The following SYCP2L variants were observed in gnomAD, a reference collection of about 807,000 sequenced individuals.
SYCP2L encodes synaptonemal complex protein 2 like, also known as synaptonemal complex protein 2-like.
In SYCP2L, 98 loss-of-function variants were observed where a neutral mutation model predicts 125.8. That is an observed-to-expected ratio of 0.78 (90% confidence interval 0.66 to 0.92). The LOEUF (loss-of-function observed/expected upper bound fraction) is 0.92. SYCP2L is among the 40% of genes least tolerant of loss of function. The pLI is 0.00. For missense variants in SYCP2L, 842 were observed against 936.4 expected (o/e 0.90, Z 1.32); for synonymous variants, 317 against 325.4 (o/e 0.97, Z 0.28).
chr6:10,926,360 A>G lies in SYCP2L; in HGVS notation c.1240A>G (p.Ile414Val), dbSNP rs986836450. ...TCAGATGTTGCCTGACCAGACGAAA[A>G]TCTCCTCAGAACTTTTTAGTAAGTC... is the stretch of plus-strand genomic sequence containing the variant. ...DKQMLPDQTK[I>V]SSELFSKSDK... The change falls in exon 16 of 30, where the codon ATC (isoleucine) becomes GTC (valine). Residue 414 changes from isoleucine to valine, a missense_variant. Coordinates refer to ENST00000283141, the MANE Select transcript of SYCP2L (RefSeq NM_001040274.3). 2 of 1,613,860 alleles carry G rather than the reference A, an allele frequency of 1.2e-6. No individual in the cohort carries two copies.
At chr6:10,895,634 G>GA (rs1561679472) in intron 4 of SYCP2L, among the ~76,000 whole-genome samples, 1 of 151,778 alleles carries the variant, frequency 6.6e-6, no homozygotes, top group South Asian at 2.1e-4. Context: ...AACAAAAGGG[G>GA]GGGGTACTAT....
At chr6:10,957,286 A>C (rs563539741) in intron 25 of SYCP2L, among the ~76,000 whole-genome samples, 1 of 152,304 alleles carries the variant, frequency 6.6e-6, no homozygotes, top group South Asian at 2.1e-4. Context: ...GGGGAGGGGT[A>C]TTTGTCTTAG....
At chr6:10,943,466 C>T (rs1390355345) in intron 23 of SYCP2L, among the ~76,000 whole-genome samples, 3 of 151,988 alleles carry the variant, frequency 2.0e-5, no homozygotes, top group African/African-American at 4.8e-5. Context: ...CCACCCCCTC[C>T]CCTTAATTTT....
chr6:10,958,965 A>T (rs1238085985), intron 26 of SYCP2L, 90 bp downstream of exon 26: 4 of 1,085,020 alleles, frequency 3.7e-6, no homozygotes, highest in Non-Finnish European at 5.5e-6. Flanking sequence ...GGCCCTGAGG[A>T]GTTGGGGCCT....
Position 10,973,171 on chromosome 6 carries a change from G to A in SYCP2L, c.*38-781G>A, listed in dbSNP as rs540062001. Among the ~76,000 whole-genome samples, 5 of 152,332 alleles carry A rather than the reference G, an allele frequency of 3.3e-5. No homozygotes were observed. The South Asian group carries it at 1.0e-3, about 32-fold the overall frequency. ...AGTAGGCATGTGCCCTGGAGTTTGG[G>A]TGGGATGGGAGAATCTGTTCCCTCA... is the stretch of plus-strand genomic sequence containing the variant. On this transcript the variant is annotated intron_variant, in intron 29 of 29. Transcript: ENST00000283141.
rs115736002 is a variant in SYCP2L, at chr6:10,951,310, C to T, written c.1955-3806C>T. On this transcript the variant is annotated intron_variant, in intron 23 of 29. Coordinates refer to ENST00000283141, the MANE Select transcript of SYCP2L (RefSeq NM_001040274.3). ...GCATGGTGGCGTGTCCCTGTGTTCCCAGCTACTCTGGAGGCTGACATGGGG... is the reference window on the plus strand; with the variant it reads ...GCATGGTGGCGTGTCCCTGTGTTCCTAGCTACTCTGGAGGCTGACATGGGG... 3.6e-3 allele frequency among the ~76,000 whole-genome samples: 551 copies of T among 152,086 alleles called. 2 individuals are homozygous for T. Among genetic ancestry groups the T allele is most frequent in the Non-Finnish European group, 5.4e-3 (366 of 67,950 alleles).
At position 10,902,914 on chromosome 6, in the gene SYCP2L, C is replaced by T. The variant is rs1478222673; in HGVS notation, c.592C>T (p.Arg198Ter). The T allele has an allele frequency of 3.7e-6, 6 of 1,613,956 alleles. No individual in the cohort carries two copies. Among genetic ancestry groups the T allele is most frequent in the East Asian group, 4.5e-5 (2 of 44,878 alleles). ...TFNCILHAVP[R>*]EERKKFPLSE... is the part of the protein sequence containing the mutation. ...TAACTGCATTTTGCACGCTGTCCCT[C>T]GAGAAGAGAGAAAAAAATTCCCTTT... The change falls in exon 8 of 30, where the codon CGA (arginine) becomes TGA (stop). Residue 198 changes from arginine to a stop codon, truncating the protein, a stop_gained. Coordinates refer to ENST00000283141, the MANE Select transcript of SYCP2L (RefSeq NM_001040274.3). LOFTEE classifies it high-confidence loss of function.
At chr6:10,953,969 G>A (rs527632089) in intron 23 of SYCP2L, among the ~76,000 whole-genome samples, 2 of 139,636 alleles carry the variant, frequency 1.4e-5, no homozygotes, top group African/African-American at 5.1e-5. Context: ...GTAAGACCGT[G>A]CCTGGGATGT....
chr6:10,895,218 A>C (rs1245600840), intron 4 of SYCP2L, among the ~76,000 whole-genome samples: 1 of 152,258 alleles, frequency 6.6e-6, no homozygotes, highest in Admixed American at 6.5e-5. Context: ...GAAATGAGGC[A>C]GAGATGTCCT....
At chr6:10,891,763 T>TTAC (rs1046256525) in intron 2 of SYCP2L, among the ~76,000 whole-genome samples, 182 bp downstream of exon 2, 3 of 9,740 alleles carry the variant, frequency 3.1e-4, no homozygotes, top group Non-Finnish European at 5.6e-3. Context: ...AGAGAAATCT[T>TTAC]TACTTCTCCT....
chr6:10,971,472 A>AG (rs1554109162), intron 29 of SYCP2L, among the ~76,000 whole-genome samples: 2 of 151,086 alleles, frequency 1.3e-5, no homozygotes, highest in East Asian at 1.9e-4. Flanking sequence ...AAAAAAAAAA[A>AG]AAAGAAAGAA....
In SYCP2L at chr6:10,956,001, C is replaced by T. The variant is rs2113406193; in HGVS notation, c.2057-135C>T. On this transcript the variant is annotated intron_variant, in intron 24 of 29. Coordinates refer to ENST00000283141, the MANE Select transcript of SYCP2L (RefSeq NM_001040274.3). ...CACTTTCCAGAGAGCGAGGTCATGT[C>T]CAGGCAGTCAGCGGGGCTTCCATGG... is the stretch of plus-strand genomic sequence containing the variant. 3 of 651,576 alleles carry T rather than the reference C, an allele frequency of 4.6e-6. No homozygotes were observed. The East Asian group carries it at 8.3e-5, about 18-fold the overall frequency. The allele number at this position is 651,576 out of a possible 1,614,324, so 40.4% of individuals were successfully genotyped here. A position where few individuals can be genotyped will look rare whatever the true frequency, so the allele number is the denominator to read the frequency against.
chr6:10,933,987 G>C (rs934568055), intron 20 of SYCP2L, among the ~76,000 whole-genome samples: 4 of 152,120 alleles, frequency 2.6e-5, no homozygotes, highest in African/African-American at 9.7e-5. Context: ...TTTTCACTAG[G>C]ATCATTAGGC....
intron 14 of SYCP2L, chr6:10,922,930 GAAT>G (rs1346488268): frequency 6.6e-6 from 1 of 151,844 alleles, no homozygotes; most frequent in African/African-American, 2.4e-5. Flanking sequence ...TTATATCCTG[GAAT>G]AATAATATCC....
chr6:10,931,301 G>T, intron 19 of SYCP2L, 139 bp from the exon 20 acceptor site: 1 of 754,470 alleles, frequency 1.3e-6, no homozygotes, highest in South Asian at 1.7e-5. Context: ...ATCAGGAAAG[G>T]ATCTTAAGAG....
chr6:10,912,637 TA>T lies in SYCP2L; in HGVS notation c.919-35del, dbSNP rs1780630093. On this transcript the variant is annotated intron_variant, in intron 12 of 29. Transcript: ENST00000283141. This position sits in a 1 kb window ranked among gnomAD's most constrained non-coding sequence, Gnocchi z 4.1. ...TTATCTGACCCTATAGCATGATTTT[TA>T]TGTGTATAAGTCATGCTGAAATGAT... 2.1e-6 allele frequency: 3 copies of T among 1,462,422 alleles called. No individual in the cohort carries two copies. The highest frequency in any genetic ancestry group is 9.5e-7 in the Non-Finnish European group (1 of 1,050,118). 90.6% of individuals were successfully genotyped at this position (1,462,422 alleles called of 1,614,324 possible). A position where few individuals can be genotyped will look rare whatever the true frequency, so the allele number is the denominator to read the frequency against.
Position 10,903,276 on chromosome 6 carries a change from T to C in SYCP2L, c.641+313T>C, listed in dbSNP as rs192089352. The stretch of plus-strand genomic sequence containing the variant: ...GGCAAAACCCCATCTCGGCCAGGCG[T>C]GGTGGCTCACGCCTGTAATCCCAGC... On this transcript the variant is annotated intron_variant, in intron 8 of 29. Transcript: ENST00000283141. Among the ~76,000 whole-genome samples, 1,030 of 151,694 alleles carry C rather than the reference T, an allele frequency of 6.8e-3. 8 individuals are homozygous for C. The highest frequency in any genetic ancestry group is 0.019 in the African/African-American group (773 of 41,350).
chr6:10,896,504 T>A (rs1025201457), intron 4 of SYCP2L, among the ~76,000 whole-genome samples: 6 of 152,134 alleles, frequency 3.9e-5, no homozygotes, highest in African/African-American at 9.7e-5. Context: ...TTAAAAAGCA[T>A]AGAATTTTGA....
intron 5 of SYCP2L, 45 bp downstream of exon 5, chr6:10,898,160 T>C (rs756349186): frequency 7.6e-7 from 1 of 1,322,860 alleles, no homozygotes; most frequent in East Asian, 2.3e-5. Context: ...CCATTGGTAA[T>C]TGGCAGGAAT....
Sources: gnomAD v4.1 joint callset for allele counts (sites outside exome capture counted in the v4.1 genomes callset) on GRCh38, gnomAD v4.1.1 for gene constraint, Gnocchi (gnomAD v3.1) non-coding constraint, MANE v1.5 for transcripts, NCBI Gene and HGNC (gene_info 2026-07-23, HGNC 2026-07-21) for gene names.